The following PAK2 variants were observed in gnomAD, a reference collection of about 807,000 sequenced individuals.
The protein encoded by PAK2 is serine/threonine-protein kinase PAK 2.
A neutral mutation model predicts 65.9 loss-of-function variants in PAK2; 21 were observed. That is an observed-to-expected ratio of 0.32 (90% CI 0.23 to 0.46). PAK2 has a LOEUF of 0.46. PAK2 is among the 20% of genes least tolerant of loss of function. The pLI, the probability that PAK2 is intolerant of heterozygous loss-of-function variation, is 1.00. For synonymous variants in PAK2, 204 were observed against 219.7 expected, an observed-to-expected ratio of 0.93 and a Z score of 0.63; for missense variants, 324 against 642.6, an observed-to-expected ratio of 0.50 and a Z score of 5.36.
intron 1 of PAK2, among the ~76,000 whole-genome samples, chr3:196,776,151 G>T (rs1371099017): frequency 1.3e-5 from 2 of 152,172 alleles, no homozygotes; most frequent in Admixed American, 6.5e-5. Flanking sequence ...CTGTGTTGAC[G>T]TACGGATTGA....
chr3:196,766,277 T>C (rs1286407286), intron 1 of PAK2, among the ~76,000 whole-genome samples: 1 of 152,206 alleles, frequency 6.6e-6, no homozygotes, highest in South Asian at 2.1e-4. Context: ...AGAGGAAATA[T>C]GATACATCAT....
chr3:196,748,044 G>C (rs1713449294), intron 1 of PAK2, among the ~76,000 whole-genome samples: 1 of 151,974 alleles, frequency 6.6e-6, no homozygotes, highest in Non-Finnish European at 1.5e-5. Context: ...TCATTTATTT[G>C]GTTTTCTTTA....
intron 13 of PAK2, among the ~76,000 whole-genome samples, chr3:196,824,430 A>C (rs1711761288): frequency 6.6e-6 from 1 of 152,204 alleles, no homozygotes; most frequent in South Asian, 2.1e-4. Flanking sequence ...AACGGACAGA[A>C]GTTCATTAAA....
intron 8 of PAK2, among the ~76,000 whole-genome samples, chr3:196,811,193 T>C (rs1715775342): frequency 1.4e-5 from 1 of 73,836 alleles, no homozygotes; most frequent in Non-Finnish European, 2.9e-5. Flanking sequence ...CCATATGAAT[T>C]CCTTCCTCCC....
chr3:196,761,778 G>T (rs1713975845), intron 1 of PAK2, among the ~76,000 whole-genome samples: 1 of 146,330 alleles, frequency 6.8e-6, no homozygotes, highest in Non-Finnish European at 1.5e-5. Context: ...GGCTGGCCGG[G>T]CGGGGGGCTG....
At chr3:196,767,883 G>T (rs114580337) in intron 1 of PAK2, among the ~76,000 whole-genome samples, 2,316 of 152,128 alleles carry the variant, frequency 0.015, 90 homozygotes, top group African/African-American at 0.053. Context: ...ATACATAGGG[G>T]TGACCACAGT....
chr3:196,756,453 T>G (rs544507063), intron 1 of PAK2, among the ~76,000 whole-genome samples: 10 of 152,084 alleles, frequency 6.6e-5, no homozygotes, highest in African/African-American at 1.9e-4. Flanking sequence ...CATTTCAGAG[T>G]AGTTGTTATT....
chr3:196,751,605 C>T (rs1405226458), intron 1 of PAK2, among the ~76,000 whole-genome samples: 1 of 145,252 alleles, frequency 6.9e-6, no homozygotes, highest in Non-Finnish European at 1.5e-5. Context: ...CCAGATCACA[C>T]CACTGCAGTC....
chr3:196,754,951 G>C (rs2108714133), intron 1 of PAK2, among the ~76,000 whole-genome samples: 1 of 152,320 alleles, frequency 6.6e-6, no homozygotes, highest in African/African-American at 2.4e-5. Flanking sequence ...ATGGCTAGTA[G>C]GGAGAGACAA....
chr3:196,827,829 A>G (rs1047311830), intron 14 of PAK2, among the ~76,000 whole-genome samples: 17 of 151,884 alleles, frequency 1.1e-4, no homozygotes, highest in South Asian at 4.2e-4. Flanking sequence ...CATCGTATCA[A>G]TCCTCAGACC....
In PAK2 at chr3:196,762,580, G is replaced by T. The variant is rs527356750; in HGVS notation, c.-21-20046G>T. Among the ~76,000 whole-genome samples, 1,345 of 150,776 alleles carry T rather than the reference G, an allele frequency of 8.9e-3. 29 individuals are homozygous for T. Among genetic ancestry groups the T allele is most frequent in the African/African-American group, 0.03 (1,230 of 41,246 alleles). On this transcript the variant is annotated intron_variant, in intron 1 of 14. Coordinates refer to ENST00000327134, the MANE Select transcript of PAK2 (RefSeq NM_002577.4). ...GCATGCCTGCAATCGCAGGCACTCGGCAGGCTGAGGCAGGAGAATCAGACA... is the reference window on the plus strand; with the variant it reads ...GCATGCCTGCAATCGCAGGCACTCGTCAGGCTGAGGCAGGAGAATCAGACA...
At chr3:196,774,959 A>C (rs1714488723) in intron 1 of PAK2, among the ~76,000 whole-genome samples, 1 of 149,330 alleles carries the variant, frequency 6.7e-6, no homozygotes, top group Admixed American at 6.6e-5. Context: ...TCTTCCACTC[A>C]ACAACAACTG....
intron 1 of PAK2, among the ~76,000 whole-genome samples, chr3:196,746,684 C>T (rs1165864922): frequency 6.6e-6 from 1 of 151,914 alleles, no homozygotes; most frequent in Non-Finnish European, 1.5e-5. Flanking sequence ...GTGGCAGGTG[C>T]CTGTAGTCCC....
Position 196,829,947 on chromosome 3 carries a change from T to G in PAK2, c.*1542T>G, listed in dbSNP as rs2108780526. 6.6e-6 allele frequency: 1 copy of G among 152,214 alleles called. No homozygotes were observed. The highest frequency in any genetic ancestry group is 3.4e-3 in the Middle Eastern group (1 of 296). 9.4% of individuals were successfully genotyped at this position (152,214 alleles called of 1,614,324 possible). On this transcript the variant is annotated 3_prime_UTR_variant, in exon 15 of 15. Coordinates refer to ENST00000327134, the MANE Select transcript of PAK2 (RefSeq NM_002577.4). ...TTTTTTCCTCTCCTCTTCTTCTCCT[T>G]TATTCATTGTTTTGCTTTTGGAGTG...
chr3:196,772,903 G>T (rs1384444876), intron 1 of PAK2, among the ~76,000 whole-genome samples: 2 of 152,156 alleles, frequency 1.3e-5, no homozygotes, highest in Non-Finnish European at 2.9e-5. Flanking sequence ...TATATAAAAA[G>T]TAAATAAAAA....
chr3:196,741,773 C>T (rs1344367065), intron 1 of PAK2, among the ~76,000 whole-genome samples: 1 of 152,080 alleles, frequency 6.6e-6, no homozygotes, highest in Non-Finnish European at 1.5e-5. Flanking sequence ...GTTTTATTGG[C>T]CTGAGGGATT....
intron 1 of PAK2, among the ~76,000 whole-genome samples, chr3:196,776,761 G>T (rs1467401734): frequency 1.3e-5 from 2 of 152,164 alleles, no homozygotes; most frequent in Non-Finnish European, 1.5e-5. Context: ...ATGGGTAACA[G>T]ATTCATTCAA....
intron 1 of PAK2, among the ~76,000 whole-genome samples, chr3:196,758,954 G>A (rs959207375): frequency 4.6e-5 from 7 of 152,078 alleles, no homozygotes; most frequent in Admixed American, 1.3e-4. Flanking sequence ...CACCACACCC[G>A]TCCAAGGATG....
At position 196,791,784 on chromosome 3, in the gene PAK2, C is replaced by T. The variant is rs965972044; in HGVS notation, c.187+8951C>T. Among the ~76,000 whole-genome samples the T allele has an allele frequency of 2.2e-4, 34 of 152,202 alleles. No homozygotes were observed. Among genetic ancestry groups the T allele is most frequent in the African/African-American group, 7.2e-4 (30 of 41,544 alleles). On this transcript the variant is annotated intron_variant, in intron 2 of 14. Coordinates refer to ENST00000327134, the MANE Select transcript of PAK2 (RefSeq NM_002577.4). This position sits in a 1 kb window ranked among gnomAD's most constrained non-coding sequence, Gnocchi z 4.0. Reference sequence around the variant, plus strand: ...CTAAAAATACAAAAAGTTAGCCAGGCGTGGTGGCGGGCCCCTGTAGTCCCA... The same window carrying T: ...CTAAAAATACAAAAAGTTAGCCAGGTGTGGTGGCGGGCCCCTGTAGTCCCA...
Sources: allele counts gnomAD v4.1 joint callset (sites outside exome capture counted in the v4.1 genomes callset), GRCh38; gene constraint gnomAD v4.1.1; non-coding constraint Gnocchi (gnomAD v3.1); transcripts MANE v1.5; gene names NCBI Gene and HGNC (gene_info 2026-07-23, HGNC 2026-07-21).